STRIP2: variants seen among roughly 807,000 people sequenced by gnomAD.
STRIP2 encodes striatin interacting protein 2.
STRIP2 carries 84 observed loss-of-function variants against 107.1 expected under a neutral mutation model. The observed-to-expected ratio is 0.78, with a 90% CI of 0.66 to 0.94. The LOEUF (loss-of-function observed/expected upper bound fraction) is 0.94, where lower values mean the gene tolerates loss of function less well. Ranked by LOEUF, STRIP2 falls within the 40% of genes least tolerant of loss-of-function variation. STRIP2 has a pLI of 0.00. For synonymous variants in STRIP2, 394 were observed against 400.4 expected, an observed-to-expected ratio of 0.98 and a Z score of 0.19; for missense variants, 888 against 1,034.2, an observed-to-expected ratio of 0.86 and a Z score of 1.94.
chr7:129,464,181 TC>T (rs371962742), intron 15 of STRIP2, 40 bp downstream of exon 15: 2 of 1,458,200 alleles, frequency 1.4e-6, no homozygotes, highest in African/African-American at 2.8e-5. Flanking sequence ...ATACTAGCTG[TC>T]TTATCTGCAG....
At chr7:129,457,192 T>G (rs1015722837) in intron 9 of STRIP2, among the ~76,000 whole-genome samples, 1 of 152,216 alleles carries the variant, frequency 6.6e-6, no homozygotes, top group Non-Finnish European at 1.5e-5. Context: ...TATGCAATTT[T>G]GTCACTGAGC....
At chr7:129,444,240 T>C (rs979351024) in intron 3 of STRIP2, 142 bp downstream of exon 3, 30 of 589,230 alleles carry the variant, frequency 5.1e-5, no homozygotes, top group Non-Finnish European at 4.2e-5. Context: ...AGAACTAATA[T>C]GATAAATAGA....
Position 129,464,635 on chromosome 7 carries a change from A to G in STRIP2, c.1673A>G (p.Lys558Arg). 2 of 1,614,088 alleles carry G rather than the reference A, an allele frequency of 1.2e-6. No individual in the cohort carries two copies. The highest frequency in any genetic ancestry group is 1.7e-6 in the Non-Finnish European group (2 of 1,180,008). The change falls in exon 16 of 21, where the codon AAG (lysine) becomes AGG (arginine). Residue 558 changes from lysine (K) to arginine (R), a missense_variant. Physicochemically the swap from Lys to Arg is conservative, Grantham distance 26. Coordinates refer to ENST00000249344, the MANE Select transcript of STRIP2 (RefSeq NM_020704.3). ...EMPITVLQSM[K>R]LGIDVNRHKE... Reference sequence around the variant, plus strand: ...AGCATCACTGTTCTCCAGAGCATGAAGCTGGGCATCGATGTGAACAGGCAC... The same window carrying G: ...AGCATCACTGTTCTCCAGAGCATGAGGCTGGGCATCGATGTGAACAGGCAC...
chr7:129,460,297 T>A lies in STRIP2; in HGVS notation c.1405-4T>A, dbSNP rs1376155901. 6.2e-7 allele frequency: 1 copy of A among 1,613,090 alleles called. No homozygotes were observed. ...CCTTGTTGATGTCTTCTTATCTTTG[T>A]CAGCACAAGTATATCTCCATCGCAG... On this transcript the variant is annotated splice_polypyrimidine_tract_variant and splice_region_variant and intron_variant, in intron 12 of 20. Coordinates refer to ENST00000249344, the MANE Select transcript of STRIP2 (RefSeq NM_020704.3).
intron 18 of STRIP2, 137 bp downstream of exon 18, chr7:129,470,852 G>A: frequency 2.7e-6 from 2 of 727,388 alleles, no homozygotes; most frequent in African/African-American, 3.5e-5. Context: ...GGCAAGAGCA[G>A]AGATGCAGCA....
intron 14 of STRIP2, 24 bp downstream of exon 14, chr7:129,463,064 C>G: frequency 6.3e-7 from 1 of 1,576,258 alleles, no homozygotes; most frequent in South Asian, 1.1e-5. Flanking sequence ...TAGGCCAGAG[C>G]TGCCCTTCTC....
intron 9 of STRIP2, among the ~76,000 whole-genome samples, chr7:129,456,968 C>T (rs1798378186): frequency 6.6e-6 from 1 of 152,096 alleles, no homozygotes; most frequent in Admixed American, 6.5e-5. Flanking sequence ...GGGATAGGGA[C>T]CCAGGATACC....
rs772581138 is a variant in STRIP2 at position 129,458,255 on chromosome 7, A to G, written c.1079A>G (p.Glu360Gly). ...TKQDSLDIYN[E>G]RDLFKTEEPA... Reference sequence around the variant, plus strand: ...CAGGACAGCCTGGACATCTACAATGAAAGGGATCTCTTCAAGACTGAGGAG... The same window carrying G: ...CAGGACAGCCTGGACATCTACAATGGAAGGGATCTCTTCAAGACTGAGGAG... The change falls in exon 10 of 21, where the codon GAA (glutamate) becomes GGA (glycine). Residue 360 changes from glutamate to glycine, a missense_variant. By Grantham distance (98) the Glu-to-Gly change is moderately conservative. Coordinates refer to ENST00000249344, the MANE Select transcript of STRIP2 (RefSeq NM_020704.3). The surrounding 1 kb of genome is among the most constrained non-coding windows in gnomAD (Gnocchi z 4.6). The G allele has an allele frequency of 2.5e-6, 4 of 1,614,172 alleles. No homozygotes were observed. The East Asian group carries it at 8.9e-5, about 36-fold the overall frequency.
Position 129,459,512 on chromosome 7 carries a change from T to C in STRIP2, c.1341-5T>C. On this transcript the variant is annotated splice_region_variant and splice_polypyrimidine_tract_variant and intron_variant, in intron 11 of 20. Coordinates refer to ENST00000249344, the MANE Select transcript of STRIP2 (RefSeq NM_020704.3). ...TTATGATCTGGTATGTCTGGCCTTTTACAGGGACACAGATACATTGGTTGG... is the reference window on the plus strand; with the variant it reads ...TTATGATCTGGTATGTCTGGCCTTTCACAGGGACACAGATACATTGGTTGG... 1 of 1,613,886 alleles carries C rather than the reference T, an allele frequency of 6.2e-7. No homozygotes were observed. The highest frequency in any genetic ancestry group is 1.3e-5 in the African/African-American group (1 of 74,980).
chr7:129,437,802 T>G (rs532599689), intron 1 of STRIP2, among the ~76,000 whole-genome samples: 4 of 25,604 alleles, frequency 1.6e-4, no homozygotes, highest in African/African-American at 4.0e-4. Flanking sequence ...ATTCGCCTTG[T>G]TTTTTTTTGT....
chr7:129,472,776 C>CT lies in STRIP2; in HGVS notation c.1944+2089dup, dbSNP rs1798822125. On this transcript the variant is annotated intron_variant, in intron 18 of 20. Coordinates refer to ENST00000249344, the MANE Select transcript of STRIP2 (RefSeq NM_020704.3). ...ATATATAGAATTTTCTTTTCTTTTC[C>CT]TTTTTTTTTTTTTTTTTTTTTTTTT... is the stretch of plus-strand genomic sequence containing the variant. 3.4e-4 allele frequency among the ~76,000 whole-genome samples: 27 copies of CT among 78,276 alleles called. 1 individual carries two copies. The highest frequency in any genetic ancestry group is 1.2e-3 in the African/African-American group (24 of 20,656). 51.4% of individuals were successfully genotyped at this position (78,276 alleles called of 152,430 possible). A position where few individuals can be genotyped will look rare whatever the true frequency, so the allele number is the denominator to read the frequency against.
intron 20 of STRIP2, among the ~76,000 whole-genome samples, chr7:129,485,321 C>G (rs1799215845): frequency 6.6e-6 from 1 of 152,052 alleles, no homozygotes; most frequent in South Asian, 2.1e-4. Context: ...TCATAGGTAA[C>G]CACTATTACC....
At position 129,482,969 on chromosome 7, in the gene STRIP2, A is replaced by C. The variant is rs569814308; in HGVS notation, c.2177A>C (p.Lys726Thr). Reference protein sequence around the residue: ...QTKYLGRQWRKSNMKTMSAIY... With the variant: ...QTKYLGRQWRTSNMKTMSAIY... ...AAGTACCTGGGGCGCCAATGGAGGA[A>C]AAGCAACATGAAAACCATGTCAGCC... Residue 726 changes from lysine to threonine, a missense_variant, in exon 20 of 21, where the codon AAA (lysine) becomes ACA (threonine). Coordinates refer to ENST00000249344, the MANE Select transcript of STRIP2 (RefSeq NM_020704.3). The C allele has an allele frequency of 1.2e-6, 2 of 1,614,202 alleles. No homozygotes were observed. The highest frequency in any genetic ancestry group is 4.5e-5 in the East Asian group (2 of 44,888).
Position 129,485,965 on chromosome 7 carries a change from G to A in STRIP2, c.*136G>A, listed in dbSNP as rs946358758. On this transcript the variant is annotated 3_prime_UTR_variant, in exon 21 of 21. Transcript: ENST00000249344. Reference sequence around the variant, plus strand: ...TCTTGGGCCTAAAGATGGTGCAAGGGTGGGATCCTGAATCACAATAAAATG... The same window carrying A: ...TCTTGGGCCTAAAGATGGTGCAAGGATGGGATCCTGAATCACAATAAAATG... The A allele has an allele frequency of 1.3e-5, 13 of 979,824 alleles. 1 individual carries two copies. The highest frequency in any genetic ancestry group is 8.1e-5 in the South Asian group (5 of 61,806). The allele number at this position is 979,824 out of a possible 1,614,324, so 60.7% of individuals were successfully genotyped here.
At chr7:129,441,954 C>G (rs567905689) in intron 2 of STRIP2, among the ~76,000 whole-genome samples, 1 of 152,166 alleles carries the variant, frequency 6.6e-6, no homozygotes, top group Admixed American at 6.5e-5. Flanking sequence ...TGGCCAGGTA[C>G]GGTAGCTCAC....
rs1337761603 is a variant in STRIP2 at position 129,482,370 on chromosome 7, TATA to T, written c.2050-471_2050-469del. Reference sequence around the variant, plus strand: ...CTCTCTCTCTCTATATATATATATATATATATATTTTTTTTTTTTTTTTTTGAG... The same window carrying T: ...CTCTCTCTCTCTATATATATATATATTATATTTTTTTTTTTTTTTTTTGAG... On this transcript the variant is annotated intron_variant, in intron 19 of 20. Transcript: ENST00000249344. Among the ~76,000 whole-genome samples, 274 of 80,724 alleles carry T rather than the reference TATA, an allele frequency of 3.4e-3. 1 individual carries two copies. The highest frequency in any genetic ancestry group is 0.019 in the East Asian group (33 of 1,720). The allele number at this position is 80,724 out of a possible 152,430, so 53.0% of individuals were successfully genotyped here. A position where few individuals can be genotyped will look rare whatever the true frequency, so the allele number is the denominator to read the frequency against.
At chr7:129,449,485 G>T (rs1328237505) in intron 3 of STRIP2, among the ~76,000 whole-genome samples, 1 of 152,270 alleles carries the variant, frequency 6.6e-6, no homozygotes, top group East Asian at 1.9e-4. Flanking sequence ...GCAGTGCAGG[G>T]TTTATCTCCT....
At chr7:129,453,948 C>G (rs192785251) in intron 5 of STRIP2, among the ~76,000 whole-genome samples, 194 bp from the exon 6 acceptor site, 3 of 152,298 alleles carry the variant, frequency 2.0e-5, no homozygotes, top group Non-Finnish European at 4.4e-5. Context: ...CCTGCCCTTG[C>G]CTTGTCTTCA....
intron 12 of STRIP2, 109 bp from the exon 13 acceptor site, chr7:129,460,192 C>T (rs1798491639): frequency 3.2e-6 from 3 of 943,358 alleles, no homozygotes; most frequent in Middle Eastern, 3.3e-4. Flanking sequence ...TGTGGGGTAA[C>T]AAACCCATAA....
Sources: allele counts gnomAD v4.1 joint callset (sites outside exome capture counted in the v4.1 genomes callset), GRCh38; gene constraint gnomAD v4.1.1; non-coding constraint Gnocchi (gnomAD v3.1); transcripts MANE v1.5; gene names NCBI Gene and HGNC (gene_info 2026-07-23, HGNC 2026-07-21).